Variants in SLITRK3 observed in about 807,000 individuals in gnomAD.
SLITRK3 encodes the protein SLIT and NTRK-like protein 3.
SLITRK3 carries 16 observed loss-of-function variants against 63.6 expected under a neutral mutation model. The observed-to-expected ratio is 0.25, with a 90% CI of 0.17 to 0.38. The LOEUF (loss-of-function observed/expected upper bound fraction) is 0.38. SLITRK3 is among the 10% of genes least tolerant of loss of function. The pLI is 1.00. For missense variants in SLITRK3, 1,117 were observed against 1,181.4 expected, an observed-to-expected ratio of 0.95 and a Z score of 0.80; for synonymous variants, 547 against 451.6, an observed-to-expected ratio of 1.21 and a Z score of -2.68.
chr3:165,191,701 A>C (rs1043165521), intron 1 of SLITRK3, among the ~76,000 whole-genome samples: 4 of 152,210 alleles, frequency 2.6e-5, no homozygotes, highest in Admixed American at 6.5e-5. Flanking sequence ...GTCTGAATTA[A>C]AACATTTGCA....
rs997219882 is a variant in SLITRK3, at chr3:165,196,173, G to T, written c.-615C>A. On this transcript the variant is annotated 5_prime_UTR_variant, in exon 1 of 2. Transcript: ENST00000475390. ...TGGCGTGTAGATGAGAGAAGAAAAG[G>T]GTGGGGAGAGGCGGAAAGGAGGCAG... Among the ~76,000 whole-genome samples the T allele has an allele frequency of 6.6e-6, 1 of 151,648 alleles. No homozygotes were observed. The highest frequency in any genetic ancestry group is 2.4e-5 in the African/African-American group (1 of 41,246).
rs1717999969 is a variant in SLITRK3 at position 165,187,562 on chromosome 3, T to A, written c.*335A>T. ...CACATTGAATTTTACTTAATTAGGA[T>A]CCATACAATGATCCCCAGTATATCT... On this transcript the variant is annotated 3_prime_UTR_variant, in exon 2 of 2. Coordinates refer to ENST00000475390, the MANE Select transcript of SLITRK3 (RefSeq NM_001318810.2). The A allele has an allele frequency of 4.9e-6, 1 of 206,050 alleles. No individual in the cohort carries two copies. Among genetic ancestry groups the A allele is most frequent in the Admixed American group, 5.8e-5 (1 of 17,308 alleles). The allele number at this position is 206,050 out of a possible 1,614,324, so 12.8% of individuals were successfully genotyped here. A position where few individuals can be genotyped will look rare whatever the true frequency, so the allele number is the denominator to read the frequency against.
intron 1 of SLITRK3, among the ~76,000 whole-genome samples, chr3:165,192,688 A>G (rs1718278591): frequency 6.8e-6 from 1 of 146,070 alleles, no homozygotes; most frequent in East Asian, 2.0e-4. Flanking sequence ...GGGGGGACTA[A>G]GAGAAAAAAA....
At position 165,188,208 on chromosome 3, in the gene SLITRK3, C is replaced by T. The variant is rs774259578; in HGVS notation, c.2623G>A (p.Gly875Arg). The change falls in exon 2 of 2, where the codon GGG becomes AGG. Residue 875 changes from glycine (G) to arginine (R), a missense_variant. Around this residue, in one of 4 missense-constraint regions of SLITRK3, gnomAD observed 499 missense variants for 463.6 expected, o/e 1.08. Coordinates refer to ENST00000475390, the MANE Select transcript of SLITRK3 (RefSeq NM_001318810.2). ...ATACTGCCACTACCACAGCCTCCCCCAGGAGGAAACAGCACCACCCCACCA... is the reference window on the plus strand; with the variant it reads ...ATACTGCCACTACCACAGCCTCCCCTAGGAGGAAACAGCACCACCCCACCA... ...KNGGVVLFPP[G>R]GGCGSGSMLL... The T allele has an allele frequency of 6.2e-7, 1 of 1,613,832 alleles. No individual in the cohort carries two copies. Among genetic ancestry groups the T allele is most frequent in the South Asian group, 1.1e-5 (1 of 91,060 alleles).
rs769681828 is a variant in SLITRK3, at chr3:165,189,057, T to G, written c.1774A>C (p.Arg592=). Residue 592 remains arginine, a synonymous_variant, in exon 2 of 2, where the codon AGG becomes CGG. Coordinates refer to ENST00000475390, the MANE Select transcript of SLITRK3 (RefSeq NM_001318810.2). This position sits in a 1 kb window ranked among gnomAD's most constrained non-coding sequence, Gnocchi z 4.0. ...SVSVVGDVLC[R]SPENLTHRDV... ...CGGTGCGTGAGGTTCTCAGGGCTCC[T>G]GCAAAGCACATCACCAACCACACTG... 6.2e-7 allele frequency: 1 copy of G among 1,614,186 alleles called. No individual in the cohort carries two copies. The highest frequency in any genetic ancestry group is 8.5e-7 in the Non-Finnish European group (1 of 1,180,046).
In SLITRK3 at chr3:165,190,529, T is replaced by A. The variant is rs1236768660; in HGVS notation, c.302A>T (p.Asn101Ile). Reference protein sequence around the residue: ...KLYTNSFLHLNNAVSINLGNN... With the variant: ...KLYTNSFLHLINAVSINLGNN... The stretch of plus-strand genomic sequence containing the variant: ...CCCAAGATTAATAGACACAGCATTA[T>A]TCAAATGAAGAAAACTGTTGGTATA... The change falls in exon 2 of 2, where the codon AAT becomes ATT. Residue 101 changes from asparagine (N) to isoleucine (I), a missense_variant. Physicochemically the swap from Asn to Ile is moderately radical, Grantham distance 149. This residue lies in a region of SLITRK3 where 452 missense variants were observed against 495.3 expected (regional missense o/e 0.91). Coordinates refer to ENST00000475390, the MANE Select transcript of SLITRK3 (RefSeq NM_001318810.2). The A allele has an allele frequency of 1.2e-6, 2 of 1,613,840 alleles. No homozygotes were observed. The highest frequency in any genetic ancestry group is 3.3e-5 in the Admixed American group (2 of 60,030).
rs771904509 is a variant in SLITRK3 at position 165,190,641 on chromosome 3, T to C, written c.190A>G (p.Lys64Glu). ...ESLFHIHCDS[K>E]GFTNISQITE... ...ATCTGACTAATATTTGTAAATCCTT[T>C]ACTGTCACAATGTATATGAAAGAGG... The change falls in exon 2 of 2, where the codon AAA (lysine) becomes GAA (glutamate). Residue 64 changes from lysine to glutamate, a missense_variant. Around this residue, in one of 4 missense-constraint regions of SLITRK3, gnomAD observed 452 missense variants for 495.3 expected, o/e 0.91. Transcript: ENST00000475390. The C allele has an allele frequency of 6.2e-7, 1 of 1,614,094 alleles. No individual in the cohort carries two copies. Among genetic ancestry groups the C allele is most frequent in the Non-Finnish European group, 8.5e-7 (1 of 1,179,972 alleles).
In SLITRK3 at chr3:165,188,248, G is replaced by T; in HGVS notation, c.2583C>A (p.Arg861=). 1 of 1,613,630 alleles carries T rather than the reference G, an allele frequency of 6.2e-7. No homozygotes were observed. Among genetic ancestry groups the T allele is most frequent in the Non-Finnish European group, 8.5e-7 (1 of 1,179,864 alleles). ...GGTGGDLAGF[R]HHEKNGGVVL... The stretch of plus-strand genomic sequence containing the variant: ...CCACCCCACCATTTTTCTCATGGTG[G>T]CGGAACCCTGCCAAGTCTCCCCCAG... The change falls in exon 2 of 2, where the codon CGC becomes CGA. Residue 861 remains arginine (R), a synonymous_variant. Transcript: ENST00000475390.
At position 165,190,372 on chromosome 3, in the gene SLITRK3, A is replaced by G; in HGVS notation, c.459T>C (p.Tyr153=). 2 of 1,614,090 alleles carry G rather than the reference A, an allele frequency of 1.2e-6. No homozygotes were observed. Among genetic ancestry groups the G allele is most frequent in the Non-Finnish European group, 1.7e-6 (2 of 1,180,006 alleles). ...TAATGACATTGTAATCTGCCTGCAG[A>G]TATTCTAGACTTTCCAAGCCAAGGA... ...DTFLGLESLE[Y]LQADYNVIKR... is the part of the protein sequence containing the mutation. Residue 153 remains tyrosine (Y), a synonymous_variant, in exon 2 of 2, where the codon TAT becomes TAC. Coordinates refer to ENST00000475390, the MANE Select transcript of SLITRK3 (RefSeq NM_001318810.2).
At position 165,190,291 on chromosome 3, in the gene SLITRK3, T is replaced by C; in HGVS notation, c.540A>G (p.Leu180=). 1 of 1,614,218 alleles carries C rather than the reference T, an allele frequency of 6.2e-7. No homozygotes were observed. Among genetic ancestry groups the C allele is most frequent in the Non-Finnish European group, 8.5e-7 (1 of 1,180,020 alleles). The change falls in exon 2 of 2, where the codon TTA becomes TTG. Residue 180 remains leucine, a synonymous_variant. Transcript: ENST00000475390. ...RNLSKLRVLI[L]NDNLIPMLPT... The stretch of plus-strand genomic sequence containing the variant: ...GAAGCATGGGGATGAGATTATCATT[T>C]AAAATCAGAACCCTCAATTTACTTA...
upstream of SLITRK3, chr3:165,196,873 A>ATCTCTCTCTCTCTCTCTCTGTC (rs1718443112): frequency 1.2e-4 from 5 of 41,620 alleles, no homozygotes; most frequent in Admixed American, 3.0e-4. Flanking sequence ...GAAGCAAGTG[A>ATCTCTCTCTCTCTCTCTCTGTC]TCTCTCTCTC....
rs1164762339 is a variant in SLITRK3, at chr3:165,187,623, T to TA, written c.*273dup. 2 of 322,106 alleles carry TA rather than the reference T, an allele frequency of 6.2e-6. No homozygotes were observed. The highest frequency in any genetic ancestry group is 4.9e-5 in the East Asian group (1 of 20,298). The allele number at this position is 322,106 out of a possible 1,614,324, so 20.0% of individuals were successfully genotyped here. ...ACAGTCAAAGTCTCAAGTTTCAGTA[T>TA]AAAAAAATAATGATAACATTTGCTG... is the stretch of plus-strand genomic sequence containing the variant. On this transcript the variant is annotated 3_prime_UTR_variant, in exon 2 of 2. Coordinates refer to ENST00000475390, the MANE Select transcript of SLITRK3 (RefSeq NM_001318810.2).
chr3:165,192,775 G>A (rs1406936309), intron 1 of SLITRK3, among the ~76,000 whole-genome samples: 2 of 151,774 alleles, frequency 1.3e-5, no homozygotes, highest in African/African-American at 4.8e-5. Context: ...CAGAACTGCC[G>A]CTTGGCACAC....
intron 1 of SLITRK3, among the ~76,000 whole-genome samples, chr3:165,191,601 T>C (rs927899307): frequency 6.6e-6 from 1 of 152,340 alleles, no homozygotes; most frequent in Middle Eastern, 3.4e-3. Context: ...ATTTAAAACA[T>C]GTAGGAGTGA....
Position 165,189,242 on chromosome 3 carries a change from G to A in SLITRK3, c.1589C>T (p.Ala530Val), listed in dbSNP as rs1718088968. The change falls in exon 2 of 2, where the codon GCC (alanine) becomes GTC (valine). Residue 530 changes from alanine to valine, a missense_variant. Ala to Val is a moderately conservative substitution (Grantham distance 64). Around this residue, in one of 4 missense-constraint regions of SLITRK3, gnomAD observed 158 missense variants for 197.2 expected, o/e 0.80. Transcript: ENST00000475390. The surrounding 1 kb of genome is among the most constrained non-coding windows in gnomAD (Gnocchi z 4.0). The part of the protein sequence containing the change: ...PTDAFAGTSL[A>V]RLNLRKNYFL... ...GTAGTTCTTCCTCAGGTTGAGCCGG[G>A]CCAGGGATGTGCCAGCAAAGGCGTC... The A allele has an allele frequency of 6.2e-7, 1 of 1,614,064 alleles. No individual in the cohort carries two copies. Among genetic ancestry groups the A allele is most frequent in the Non-Finnish European group, 8.5e-7 (1 of 1,180,040 alleles).
At chr3:165,196,873 ATC>A (rs780477583), upstream of SLITRK3, 30 of 41,562 alleles carry the variant, frequency 7.2e-4, no homozygotes, top group Non-Finnish European at 1.9e-3. Flanking sequence ...GAAGCAAGTG[ATC>A]TCTCTCTCTC....
upstream of SLITRK3, chr3:165,196,666 A>G (rs972723213): frequency 6.6e-6 from 1 of 152,234 alleles, no homozygotes; most frequent in Non-Finnish European, 1.5e-5. Context: ...CTGGAACCTG[A>G]ATGCAAATCC....
Position 165,190,119 on chromosome 3 carries a change from A to G in SLITRK3, c.712T>C (p.Cys238Arg). The G allele has an allele frequency of 6.2e-7, 1 of 1,614,156 alleles. No individual in the cohort carries two copies. Residue 238 changes from cysteine (C) to arginine (R), a missense_variant, in exon 2 of 2, where the codon TGT becomes CGT. Cys to Arg is a radical substitution (Grantham distance 180, BLOSUM62 -3). Around this residue, in one of 4 missense-constraint regions of SLITRK3, gnomAD observed 452 missense variants for 495.3 expected, o/e 0.91. Transcript: ENST00000475390. Reference protein sequence around the residue: ...QLEENPWNCTCEIVQLKSWLE... With the variant: ...QLEENPWNCTREIVQLKSWLE... ...CAACTCTTCAGTTGTACAATTTCAC[A>G]TGTACAGTTCCAAGGGTTTTCTTCC...
At position 165,189,971 on chromosome 3, in the gene SLITRK3, G is replaced by C; in HGVS notation, c.860C>G (p.Ser287Cys). 1 of 1,614,166 alleles carries C rather than the reference G, an allele frequency of 6.2e-7. No individual in the cohort carries two copies. Among genetic ancestry groups the C allele is most frequent in the Non-Finnish European group, 8.5e-7 (1 of 1,180,034 alleles). The change falls in exon 2 of 2, where the codon TCT becomes TGT. Residue 287 changes from serine to cysteine, a missense_variant. Around this residue, in one of 4 missense-constraint regions of SLITRK3, gnomAD observed 452 missense variants for 495.3 expected, o/e 0.91. Transcript: ENST00000475390. This position sits in a 1 kb window ranked among gnomAD's most constrained non-coding sequence, Gnocchi z 4.0. Reference protein sequence around the residue: ...KTELCPLLSDSEVEASLGIPH... With the variant: ...KTELCPLLSDCEVEASLGIPH... ...AATTCCCAAACTAGCCTCTACCTCA[G>C]AGTCAGACAACAAGGGACAGAGTTC...
Sources: gnomAD v4.1 joint callset for allele counts (sites outside exome capture counted in the v4.1 genomes callset) on GRCh38, gnomAD v4.1.1 for gene constraint, gnomAD v4.1.1 regional missense constraint, Gnocchi (gnomAD v3.1) non-coding constraint, MANE v1.5 for transcripts, NCBI Gene and HGNC (gene_info 2026-07-23, HGNC 2026-07-21) for gene names.